The following ZNF805 variants were observed in gnomAD, a reference collection of about 807,000 sequenced individuals.
ZNF805 encodes the protein zinc finger protein 805.
ZNF805 carries 7 observed loss-of-function variants against 13.6 expected under a neutral mutation model. The observed-to-expected ratio is 0.51, with a 90% CI of 0.29 to 0.97. ZNF805 has a LOEUF of 0.97. ZNF805 is among the 50% of genes least tolerant of loss of function. The pLI is 0.08. For missense variants in ZNF805, 604 were observed against 771.0 expected, an observed-to-expected ratio of 0.78 and a Z score of 2.57; for synonymous variants, 293 against 279.8, an observed-to-expected ratio of 1.05 and a Z score of -0.47.
At position 57,253,941 on chromosome 19, in the gene ZNF805, T is replaced by C; in HGVS notation, c.1122T>C (p.Ser374=). ...CCGGGGAGAAGCCCTATGAGTGCAG[T>C]GAATGTGGGAAGGCCTTCTGTGAGA... ...THTGEKPYEC[S]ECGKAFCESA... is the part of the protein sequence containing the mutation. The change falls in exon 4 of 4, where the codon AGT becomes AGC. Residue 374 remains serine, a synonymous_variant. Coordinates refer to ENST00000414468, the MANE Select transcript of ZNF805 (RefSeq NM_001023563.4). The surrounding 1 kb of genome is among the most constrained non-coding windows in gnomAD (Gnocchi z 4.4). 3.7e-6 allele frequency: 6 copies of C among 1,611,782 alleles called. No homozygotes were observed. Among genetic ancestry groups the C allele is most frequent in the Non-Finnish European group, 5.1e-6 (6 of 1,179,314 alleles).
chr19:57,251,724 T>G (rs1380508841), intron 3 of ZNF805, among the ~76,000 whole-genome samples: 1 of 152,254 alleles, frequency 6.6e-6, no homozygotes, highest in East Asian at 1.9e-4. Flanking sequence ...TTTATTTTAT[T>G]GTAAGTTGTA....
chr19:57,245,255 G>A (rs1233041229), intron 2 of ZNF805, among the ~76,000 whole-genome samples: 1 of 152,116 alleles, frequency 6.6e-6, no homozygotes, highest in Non-Finnish European at 1.5e-5. Context: ...TGTTCTCTTT[G>A]ATGAGTGTTC....
chr19:57,240,964 C>T, intron 1 of ZNF805, 43 bp downstream of exon 1: 3 of 1,550,252 alleles, frequency 1.9e-6, no homozygotes, highest in South Asian at 2.4e-5. Context: ...TCTGCTAGTT[C>T]GGGGAAGCCT....
At chr19:57,247,490 T>G (rs1277649812) in intron 2 of ZNF805, among the ~76,000 whole-genome samples, 1 of 152,232 alleles carries the variant, frequency 6.6e-6, no homozygotes, top group African/African-American at 2.4e-5. Flanking sequence ...TGAACTTGCC[T>G]GTGCCTCAGT....
chr19:57,240,840 ACCCGCCCTGCTCGCCGCAGCC>A lies in ZNF805; in HGVS notation c.-44_-24del, dbSNP rs2122821512. 6.5e-7 allele frequency: 1 copy of A among 1,532,550 alleles called. No homozygotes were observed. Among genetic ancestry groups the A allele is most frequent in the Non-Finnish European group, 8.8e-7 (1 of 1,135,000 alleles). 94.9% of individuals were successfully genotyped at this position (1,532,550 alleles called of 1,614,324 possible). A position where few individuals can be genotyped will look rare whatever the true frequency, so the allele number is the denominator to read the frequency against. On this transcript the variant is annotated 5_prime_UTR_variant, in exon 1 of 4. Coordinates refer to ENST00000414468, the MANE Select transcript of ZNF805 (RefSeq NM_001023563.4). Reference sequence around the variant, plus strand: ...GGTGGGGCTCGGCTGAGCCCGCGAGACCCGCCCTGCTCGCCGCAGCCCCCGCCCCGCTAGGGCCACAGGGTC... The same window carrying A: ...GGTGGGGCTCGGCTGAGCCCGCGAGACCCGCCCCGCTAGGGCCACAGGGTC...
intron 2 of ZNF805, 46 bp downstream of exon 2, chr19:57,244,095 C>T (rs771666072): frequency 6.4e-5 from 101 of 1,588,836 alleles, no homozygotes; most frequent in Non-Finnish European, 7.6e-5. Flanking sequence ...CCACCTCCTT[C>T]GTTCCACCCT....
intron 3 of ZNF805, among the ~76,000 whole-genome samples, chr19:57,250,342 C>T (rs2087644130): frequency 6.6e-6 from 1 of 152,182 alleles, no homozygotes; most frequent in East Asian, 1.9e-4. Flanking sequence ...AAGCGTTTCT[C>T]CTGCCTCAGC....
intron 2 of ZNF805, among the ~76,000 whole-genome samples, chr19:57,246,620 A>G (rs916219967): frequency 1.3e-5 from 2 of 152,020 alleles, no homozygotes; most frequent in African/African-American, 4.8e-5. Context: ...TACTAAATAT[A>G]CAAAAATTAG....
chr19:57,253,483 G>T lies in ZNF805; in HGVS notation c.664G>T (p.Glu222Ter). The change falls in exon 4 of 4, where the codon GAG becomes TAG. Residue 222 changes from glutamate to a stop codon, truncating the protein, a stop_gained. Coordinates refer to ENST00000414468, the MANE Select transcript of ZNF805 (RefSeq NM_001023563.4). LOFTEE classifies it high-confidence loss of function. The surrounding 1 kb of genome is among the most constrained non-coding windows in gnomAD (Gnocchi z 4.4). ...CAAGAAACGCCTGCTTGCTCGGCAT[G>T]AGAGGATTCACTCTGGAGTGAAGCC... ...FNKKRLLARH[E>*]RIHSGVKPYE... 2 of 1,604,458 alleles carry T rather than the reference G, an allele frequency of 1.2e-6. No individual in the cohort carries two copies. The highest frequency in any genetic ancestry group is 1.7e-6 in the Non-Finnish European group (2 of 1,174,896).
At chr19:57,241,127 C>T (rs1599983220) in intron 1 of ZNF805, among the ~76,000 whole-genome samples, 1 of 152,210 alleles carries the variant, frequency 6.6e-6, no homozygotes, top group East Asian at 1.9e-4. Flanking sequence ...GCAGACTATA[C>T]ATCGATTATA....
rs777546301 is a variant in ZNF805, at chr19:57,253,929, C to T, written c.1110C>T (p.Pro370=). The change falls in exon 4 of 4, where the codon CCC becomes CCT. Residue 370 remains proline, a synonymous_variant. Transcript: ENST00000414468. The surrounding 1 kb of genome is among the most constrained non-coding windows in gnomAD (Gnocchi z 4.4). ...AGCAGACTCATACCGGGGAGAAGCC[C>T]TATGAGTGCAGTGAATGTGGGAAGG... The part of the protein sequence containing the change: ...WHQQTHTGEK[P]YECSECGKAF... 1.9e-6 allele frequency: 3 copies of T among 1,613,946 alleles called. No homozygotes were observed. Among genetic ancestry groups the T allele is most frequent in the Non-Finnish European group, 2.5e-6 (3 of 1,180,010 alleles).
chr19:57,257,224 C>T lies in ZNF805; in HGVS notation c.*2521C>T, dbSNP rs74369161. ...TAGCTGCTTGAAAAGAATGTGTGTT[C>T]TCGGTCATTTGGTGGAGTTTCTGTA... On this transcript the variant is annotated 3_prime_UTR_variant, in exon 4 of 4. Coordinates refer to ENST00000414468, the MANE Select transcript of ZNF805 (RefSeq NM_001023563.4). Among the ~76,000 whole-genome samples the T allele has an allele frequency of 2.6e-3, 395 of 151,962 alleles. 3 individuals are homozygous for T. The highest frequency in any genetic ancestry group is 8.8e-3 in the African/African-American group (363 of 41,432).
chr19:57,251,540 C>G (rs532000211), intron 3 of ZNF805, among the ~76,000 whole-genome samples: 3 of 151,824 alleles, frequency 2.0e-5, no homozygotes, highest in African/African-American at 7.2e-5. Context: ...ACATTTGCTG[C>G]CGGTATATTC....
rs969158286 is a variant in ZNF805 at position 57,261,160 on chromosome 19, G to A, written c.*6457G>A. 6.6e-6 allele frequency among the ~76,000 whole-genome samples: 1 copy of A among 152,138 alleles called. No individual in the cohort carries two copies. The highest frequency in any genetic ancestry group is 2.4e-5 in the African/African-American group (1 of 41,420). On this transcript the variant is annotated 3_prime_UTR_variant, in exon 4 of 4. Transcript: ENST00000414468. Reference sequence around the variant, plus strand: ...GGTCATCACTTGTTTTTACTAAAATGGGTCAAACTGTGCTCATTTATTTAT... The same window carrying A: ...GGTCATCACTTGTTTTTACTAAAATAGGTCAAACTGTGCTCATTTATTTAT...
chr19:57,252,458 A>G (rs764676423), intron 3 of ZNF805, among the ~76,000 whole-genome samples: 9 of 152,178 alleles, frequency 5.9e-5, no homozygotes, highest in Non-Finnish European at 1.0e-4. Flanking sequence ...AGGACACGGG[A>G]TGTGGGGCTG....
Position 57,255,369 on chromosome 19 carries a change from T to C in ZNF805, c.*666T>C, listed in dbSNP as rs1334970476. On this transcript the variant is annotated 3_prime_UTR_variant, in exon 4 of 4. Transcript: ENST00000414468. The stretch of plus-strand genomic sequence containing the variant: ...CTAGTTTGACTTTCCATATACACTT[T>C]AGGATTGGTTTTTCTGTTTTTCAAA... 6.6e-6 allele frequency among the ~76,000 whole-genome samples: 1 copy of C among 152,166 alleles called. No homozygotes were observed. The highest frequency in any genetic ancestry group is 1.5e-5 in the Non-Finnish European group (1 of 68,002).
At chr19:57,241,996 T>A (rs1272239044) in intron 1 of ZNF805, among the ~76,000 whole-genome samples, 1 of 152,202 alleles carries the variant, frequency 6.6e-6, no homozygotes, top group East Asian at 1.9e-4. Context: ...AGAGCATAAA[T>A]AATAACACAA....
intron 1 of ZNF805, among the ~76,000 whole-genome samples, chr19:57,242,145 C>A (rs551631624): frequency 1.3e-5 from 2 of 152,310 alleles, no homozygotes; most frequent in African/African-American, 2.4e-5. Flanking sequence ...GGTCAAGACT[C>A]CGACCTGTTT....
chr19:57,246,784 A>G (rs1307663720), intron 2 of ZNF805, among the ~76,000 whole-genome samples: 1 of 151,290 alleles, frequency 6.6e-6, no homozygotes, highest in Non-Finnish European at 1.5e-5. Context: ...CAAAAAAAAA[A>G]AAAAAAAAAG....
Sources: gnomAD v4.1 joint callset for allele counts (sites outside exome capture counted in the v4.1 genomes callset) on GRCh38, gnomAD v4.1.1 for gene constraint, Gnocchi (gnomAD v3.1) non-coding constraint, MANE v1.5 for transcripts, NCBI Gene and HGNC (gene_info 2026-07-23, HGNC 2026-07-21) for gene names.